Variants in FARS2 observed in about 807,000 individuals in gnomAD.
FARS2 encodes phenylalanine--tRNA ligase, mitochondrial.
In FARS2, 40 loss-of-function variants were observed where a neutral mutation model predicts 46.4. The ratio of observed to expected loss-of-function variants is 0.86; its 90% CI spans 0.67 to 1.12. FARS2 has a LOEUF of 1.12. FARS2 is among the 50% of genes most tolerant of loss of function. FARS2 has a pLI of 0.00. For missense variants in FARS2, 513 were observed against 567.9 expected, an observed-to-expected ratio of 0.90 and a Z score of 0.98; for synonymous variants, 234 against 214.9, an observed-to-expected ratio of 1.09 and a Z score of -0.78.
intron 6 of FARS2, among the ~76,000 whole-genome samples, chr6:5,659,974 C>T (rs939792175): frequency 2.0e-5 from 3 of 150,798 alleles, no homozygotes; most frequent in African/African-American, 7.2e-5. Context: ...ACCTTCCTCT[C>T]CCTTCCCTCT....
At chr6:5,622,026 T>C (rs2150697890) in intron 6 of FARS2, among the ~76,000 whole-genome samples, 1 of 152,368 alleles carries the variant, frequency 6.6e-6, no homozygotes, top group African/African-American at 2.4e-5. Context: ...TGGAGGGAAA[T>C]AGCCTGACTG....
At chr6:5,278,250 C>T (rs1385580935) in intron 1 of FARS2, among the ~76,000 whole-genome samples, 5 of 152,174 alleles carry the variant, frequency 3.3e-5, no homozygotes, top group Non-Finnish European at 5.9e-5. Flanking sequence ...CCTATTCTCT[C>T]CTCACCCCTA....
intron 3 of FARS2, among the ~76,000 whole-genome samples, chr6:5,424,350 C>T (rs1480170424): frequency 3.9e-5 from 6 of 152,202 alleles, no homozygotes; most frequent in African/African-American, 1.4e-4. Flanking sequence ...TATTTAGTCA[C>T]AGCATTGCTT....
intron 5 of FARS2, among the ~76,000 whole-genome samples, chr6:5,559,220 T>A (rs118156603): frequency 1.3e-5 from 2 of 151,842 alleles, no homozygotes; most frequent in East Asian, 3.9e-4. Flanking sequence ...CTGGGCAACA[T>A]AGAGAGACCC....
intron 6 of FARS2, among the ~76,000 whole-genome samples, chr6:5,733,473 A>AT (rs1039155713): frequency 7.2e-5 from 11 of 152,082 alleles, no homozygotes; most frequent in African/African-American, 1.9e-4. Context: ...AAAAGATGTG[A>AT]TTTTTTTCCA....
At chr6:5,499,873 G>T (rs186768763) in intron 4 of FARS2, among the ~76,000 whole-genome samples, 1 of 152,144 alleles carries the variant, frequency 6.6e-6, no homozygotes, top group Non-Finnish European at 1.5e-5. Flanking sequence ...GTACAGCAAT[G>T]GCCTACATTT....
intron 6 of FARS2, among the ~76,000 whole-genome samples, chr6:5,717,400 T>G (rs754409493): frequency 3.7e-4 from 56 of 151,972 alleles, no homozygotes; most frequent in Non-Finnish European, 5.9e-4. Flanking sequence ...TCTATGTATA[T>G]CTCTCTCACA....
intron 1 of FARS2, among the ~76,000 whole-genome samples, chr6:5,269,554 G>C (rs1371742675): frequency 6.6e-6 from 1 of 151,508 alleles, no homozygotes; most frequent in Non-Finnish European, 1.5e-5. Context: ...AATTTTTCTA[G>C]TGACATATTT....
chr6:5,444,896 AG>A (rs1346390015), intron 4 of FARS2, among the ~76,000 whole-genome samples: 4 of 152,238 alleles, frequency 2.6e-5, no homozygotes, highest in Non-Finnish European at 5.9e-5. Context: ...CATTGGCCTC[AG>A]AGTGAAGACC....
intron 6 of FARS2, among the ~76,000 whole-genome samples, chr6:5,724,056 G>A (rs977249678): frequency 3.9e-5 from 6 of 152,224 alleles, no homozygotes; most frequent in East Asian, 1.9e-4. Flanking sequence ...TGGGTTACAC[G>A]GGAGGCCGCT....
At chr6:5,699,014 A>G (rs1207185660) in intron 6 of FARS2, among the ~76,000 whole-genome samples, 4 of 152,224 alleles carry the variant, frequency 2.6e-5, no homozygotes, top group African/African-American at 9.6e-5. Context: ...GAGGGAAGGC[A>G]CTGTGCTGTG....
chr6:5,612,581 C>T (rs1311899931), intron 5 of FARS2, among the ~76,000 whole-genome samples: 12 of 151,884 alleles, frequency 7.9e-5, no homozygotes, highest in Admixed American at 7.9e-4. Flanking sequence ...AACTACTGAG[C>T]TAGTAAGCTG....
At chr6:5,272,125 T>G (rs1766000534) in intron 1 of FARS2, among the ~76,000 whole-genome samples, 1 of 152,188 alleles carries the variant, frequency 6.6e-6, no homozygotes, top group Non-Finnish European at 1.5e-5. Flanking sequence ...GTCTCCATGC[T>G]GCATACACGC....
intron 5 of FARS2, among the ~76,000 whole-genome samples, chr6:5,562,060 T>A (rs866181489): frequency 9.2e-5 from 14 of 152,178 alleles, no homozygotes; most frequent in Admixed American, 2.0e-4. Context: ...TTCAGTATAC[T>A]TGTTTTAAAG....
chr6:5,725,250 G>A (rs578170382), intron 6 of FARS2, among the ~76,000 whole-genome samples: 10 of 152,312 alleles, frequency 6.6e-5, no homozygotes, highest in East Asian at 3.9e-4. Flanking sequence ...GAACATGGGC[G>A]CTGGGGTGTA....
At chr6:5,456,402 A>G (rs1764865378) in intron 4 of FARS2, among the ~76,000 whole-genome samples, 1 of 152,184 alleles carries the variant, frequency 6.6e-6, no homozygotes, top group African/African-American at 2.4e-5. Flanking sequence ...GTTCTGTGTG[A>G]TTAAAGGCTG....
At chr6:5,370,259 T>C (rs1391454411) in intron 2 of FARS2, among the ~76,000 whole-genome samples, 1 of 152,074 alleles carries the variant, frequency 6.6e-6, no homozygotes, top group East Asian at 1.9e-4. Flanking sequence ...TCCTTTTTCT[T>C]TCTGTTTACC....
At chr6:5,336,016 A>G (rs1433715734) in intron 1 of FARS2, among the ~76,000 whole-genome samples, 2 of 152,168 alleles carry the variant, frequency 1.3e-5, no homozygotes, top group Non-Finnish European at 2.9e-5. Flanking sequence ...CCACTTGCCC[A>G]CTGTCTTTCT....
At chr6:5,432,201 A>G (rs1763208544) in intron 4 of FARS2, among the ~76,000 whole-genome samples, 1 of 147,484 alleles carries the variant, frequency 6.8e-6, no homozygotes, top group Non-Finnish European at 1.5e-5. Flanking sequence ...CTATAATCCC[A>G]GCTACTCGGG....
Sources: allele counts gnomAD v4.1 joint callset (sites outside exome capture counted in the v4.1 genomes callset), GRCh38; gene constraint gnomAD v4.1.1; transcripts MANE v1.5; gene names NCBI Gene and HGNC (gene_info 2026-07-23, HGNC 2026-07-21).